Variants in IFNGR1 observed in about 807,000 individuals in gnomAD.
The protein encoded by IFNGR1 is AVP, type 2.
A neutral mutation model predicts 35.4 loss-of-function variants in IFNGR1; 23 were observed. That is an observed-to-expected ratio of 0.65 (90% CI 0.47 to 0.92). The LOEUF (loss-of-function observed/expected upper bound fraction) is 0.92, where lower values mean the gene tolerates loss of function less well. Among genes scored for constraint, IFNGR1 ranks in the 40% least tolerant of loss-of-function variants. IFNGR1 has a pLI of 0.00. For synonymous variants in IFNGR1, 199 were observed against 209.5 expected (o/e 0.95, Z 0.43); for missense variants, 533 against 583.4 (o/e 0.91, Z 0.89).
chr6:137,199,440 AATAT>A (rs1779191582), intron 6 of IFNGR1, among the ~76,000 whole-genome samples: 1 of 107,138 alleles, frequency 9.3e-6, no homozygotes, highest in South Asian at 2.9e-4. Flanking sequence ...TTTATAATAT[AATAT>A]ATAAAATATA....
chr6:137,210,303 G>GAAA (rs767508687), intron 1 of IFNGR1, among the ~76,000 whole-genome samples: 1 of 133,930 alleles, frequency 7.5e-6, no homozygotes, highest in Non-Finnish European at 1.6e-5. Context: ...AGTTCTCTTA[G>GAAA]AAAAAAAAAA....
chr6:137,199,872 T>C (rs1042407699), intron 6 of IFNGR1, among the ~76,000 whole-genome samples: 1 of 151,820 alleles, frequency 6.6e-6, no homozygotes, highest in South Asian at 2.1e-4. Context: ...ATCCTGTACA[T>C]CTTTTTATTT....
chr6:137,215,705 C>T (rs745648837), intron 1 of IFNGR1, among the ~76,000 whole-genome samples: 112 of 151,978 alleles, frequency 7.4e-4, no homozygotes, highest in Non-Finnish European at 1.3e-3. Flanking sequence ...CACACACACA[C>T]ACACAAACAC....
intron 1 of IFNGR1, 63 bp downstream of exon 1, chr6:137,219,180 G>A (rs1018385482): frequency 1.3e-6 from 2 of 1,547,184 alleles, no homozygotes; most frequent in Admixed American, 3.9e-5. Context: ...CTTCCCGGCT[G>A]GGGCGGATCC....
intron 3 of IFNGR1, among the ~76,000 whole-genome samples, 160 bp from the exon 4 acceptor site, chr6:137,204,664 G>A (rs1377807163): frequency 3.3e-5 from 5 of 152,128 alleles, no homozygotes; most frequent in Non-Finnish European, 7.4e-5. Flanking sequence ...CTAGAAGATA[G>A]TCTCGGGGTC....
intron 1 of IFNGR1, among the ~76,000 whole-genome samples, chr6:137,216,729 G>T (rs934448127): frequency 2.0e-5 from 3 of 152,174 alleles, no homozygotes; most frequent in Non-Finnish European, 2.9e-5. Flanking sequence ...ACAAAATCTA[G>T]AGAAATGCAC....
intron 1 of IFNGR1, among the ~76,000 whole-genome samples, chr6:137,210,444 G>C (rs745429657): frequency 6.6e-6 from 1 of 152,064 alleles, no homozygotes; most frequent in Non-Finnish European, 1.5e-5. Flanking sequence ...CACAGTTAGC[G>C]ATGTGACCCC....
intron 3 of IFNGR1, among the ~76,000 whole-genome samples, chr6:137,205,426 T>C (rs942017211): frequency 3.3e-5 from 5 of 152,126 alleles, no homozygotes; most frequent in African/African-American, 9.7e-5. Context: ...ATTCAAGAGT[T>C]TGAGGTGACA....
At position 137,198,532 on chromosome 6, in the gene IFNGR1, T is replaced by C. The variant is rs1412238042; in HGVS notation, c.969A>G (p.Glu323=). ...GAACTGTTGCTGGAGACAACGGCTC[T>C]TCACAGACCACCTCCTTTTCTAAGG... ...PFSLEKEVVC[E]EPLSPATVPG... is the part of the protein sequence containing the mutation. The change falls in exon 7 of 7, where the codon GAA becomes GAG. Residue 323 remains glutamate (E), a synonymous_variant. Transcript: ENST00000367739. The C allele has an allele frequency of 6.2e-7, 1 of 1,613,908 alleles. No individual in the cohort carries two copies. The highest frequency in any genetic ancestry group is 1.3e-5 in the African/African-American group (1 of 74,928).
intron 1 of IFNGR1, chr6:137,215,142 C>T (rs1779659837): frequency 8.4e-7 from 1 of 1,196,646 alleles, no homozygotes. Context: ...CATATTTTAC[C>T]AATGAGAAAA....
intron 1 of IFNGR1, among the ~76,000 whole-genome samples, chr6:137,207,410 T>C (rs900557783): frequency 2.0e-5 from 3 of 152,192 alleles, no homozygotes; most frequent in African/African-American, 7.2e-5. Flanking sequence ...CCTCATTTCA[T>C]CACTAGAATT....
In IFNGR1 at chr6:137,215,084, C is replaced by A. The variant is rs75998408; in HGVS notation, c.85+4159G>T. ...TGTGCTTACCTTTTTAATGCATTAC[C>A]TCAGATACTCATCACATCCATCCCG... On this transcript the variant is annotated intron_variant, in intron 1 of 6. Coordinates refer to ENST00000367739, the MANE Select transcript of IFNGR1 (RefSeq NM_000416.3). Among the ~76,000 whole-genome samples the A allele has an allele frequency of 0.016, 2,469 of 152,232 alleles. 203 individuals are homozygous for A. In the South Asian group the frequency reaches 0.26, roughly 16 times the overall value.
chr6:137,202,461 T>C (rs1458531537), intron 5 of IFNGR1, among the ~76,000 whole-genome samples: 1 of 152,226 alleles, frequency 6.6e-6, no homozygotes, highest in Non-Finnish European at 1.5e-5. Flanking sequence ...TATAATGGCT[T>C]GAAGTTATTA....
At chr6:137,209,471 G>A (rs145043126) in intron 1 of IFNGR1, among the ~76,000 whole-genome samples, 18 of 152,240 alleles carry the variant, frequency 1.2e-4, no homozygotes, top group Non-Finnish European at 2.6e-4. Context: ...ATTGAATCAC[G>A]GGGGCTGGTC....
chr6:137,215,050 GAC>G (rs1401227631), intron 1 of IFNGR1, among the ~76,000 whole-genome samples: 1 of 152,114 alleles, frequency 6.6e-6, no homozygotes, highest in African/African-American at 2.4e-5. Flanking sequence ...TTTACTACAA[GAC>G]ACACAGTGTG....
intron 3 of IFNGR1, among the ~76,000 whole-genome samples, 157 bp from the exon 4 acceptor site, chr6:137,204,661 A>G (rs1398632730): frequency 6.6e-6 from 1 of 152,196 alleles, no homozygotes; most frequent in Non-Finnish European, 1.5e-5. Flanking sequence ...TATCTAGAAG[A>G]TAGTCTCGGG....
chr6:137,198,226 T>C lies in IFNGR1; in HGVS notation c.1275A>G (p.Leu425=). Residue 425 remains leucine, a synonymous_variant, in exon 7 of 7, where the codon TTA becomes TTG. Coordinates refer to ENST00000367739, the MANE Select transcript of IFNGR1 (RefSeq NM_000416.3). ...TATTTGGGGGAAATTCTGAGTCAGATAAGGAGCTATGTGATTCCAGACAGC... is the reference window on the plus strand; with the variant it reads ...TATTTGGGGGAAATTCTGAGTCAGACAAGGAGCTATGTGATTCCAGACAGC... ...DSSCLESHSS[L]SDSEFPPNNK... is the part of the protein sequence containing the mutation. 6.2e-7 allele frequency: 1 copy of C among 1,614,040 alleles called. No individual in the cohort carries two copies. Among genetic ancestry groups the C allele is most frequent in the Non-Finnish European group, 8.5e-7 (1 of 1,180,014 alleles).
At chr6:137,200,823 C>G in intron 6 of IFNGR1, 58 bp downstream of exon 6, 1 of 1,325,000 alleles carries the variant, frequency 7.5e-7, no homozygotes, top group African/African-American at 1.5e-5. Context: ...ATTTAAGAAA[C>G]TATCAAAAAA....
At chr6:137,207,614 G>A (rs1779470942) in intron 1 of IFNGR1, among the ~76,000 whole-genome samples, 1 of 152,280 alleles carries the variant, frequency 6.6e-6, no homozygotes, top group East Asian at 1.9e-4. Context: ...CATGAGATAT[G>A]ATGGGTTTAT....
Sources: gnomAD v4.1 joint callset for allele counts (sites outside exome capture counted in the v4.1 genomes callset) on GRCh38, gnomAD v4.1.1 for gene constraint, MANE v1.5 for transcripts, NCBI Gene and HGNC (gene_info 2026-07-23, HGNC 2026-07-21) for gene names.